The following KCNK5 variants were observed in gnomAD, a reference collection of about 807,000 sequenced individuals.
KCNK5 encodes the protein potassium two pore domain channel subfamily K member 5, also known as potassium channel subfamily K member 5.
KCNK5 carries 18 observed loss-of-function variants against 32.9 expected under a neutral mutation model. The observed-to-expected ratio is 0.55, with a 90% CI of 0.38 to 0.81. The LOEUF (loss-of-function observed/expected upper bound fraction) is 0.81. Among genes scored for constraint, KCNK5 ranks in the 30% least tolerant of loss-of-function variants. The pLI is 0.00. For synonymous variants in KCNK5, 276 were observed against 275.3 expected, an observed-to-expected ratio of 1.00 and a Z score of -0.03; for missense variants, 507 against 651.0, an observed-to-expected ratio of 0.78 and a Z score of 2.41.
At chr6:39,218,490 C>T (rs1771480963) in intron 1 of KCNK5, among the ~76,000 whole-genome samples, 1 of 152,150 alleles carries the variant, frequency 6.6e-6, no homozygotes, top group Non-Finnish European at 1.5e-5. Context: ...TGTTCTGCCC[C>T]CAGCTAATCC....
intron 1 of KCNK5, among the ~76,000 whole-genome samples, chr6:39,219,194 C>A (rs1439310620): frequency 1.3e-5 from 2 of 152,128 alleles, no homozygotes; most frequent in East Asian, 3.9e-4. Flanking sequence ...GTTGATGGAA[C>A]AAGGGATGGG....
chr6:39,194,251 C>A lies in KCNK5; in HGVS notation c.552G>T (p.Val184=), dbSNP rs1770988841. The change falls in exon 4 of 5, where the codon GTG becomes GTT. Residue 184 remains valine (V), a synonymous_variant. Coordinates refer to ENST00000359534, the MANE Select transcript of KCNK5 (RefSeq NM_003740.4). The surrounding 1 kb of genome is among the most constrained non-coding windows in gnomAD (Gnocchi z 4.7). ...HLVIPPFVFM[V]TEGWNYIEGL... is the part of the protein sequence containing the mutation. ...CCTCGATGTAGTTCCACCCCTCAGT[C>A]ACCATGAATACGAAGGGTGGGATCA... The A allele has an allele frequency of 2.5e-6, 4 of 1,614,062 alleles. No homozygotes were observed. The South Asian group carries it at 4.4e-5, about 18-fold the overall frequency.
Position 39,211,779 on chromosome 6 carries a change from C to T in KCNK5, c.187-15792G>A, listed in dbSNP as rs912629611. On this transcript the variant is annotated intron_variant, in intron 1 of 4. Transcript: ENST00000359534. ...AGGAGTTCAAGACCAGCCTGACCAA[C>T]ATGGTGAAACCCCGTCTCTACTAAA... Among the ~76,000 whole-genome samples, 10 of 151,852 alleles carry T rather than the reference C, an allele frequency of 6.6e-5. No homozygotes were observed. The East Asian group carries it at 1.5e-3, about 24-fold the overall frequency.
At chr6:39,204,629 G>C (rs1319986265) in intron 1 of KCNK5, among the ~76,000 whole-genome samples, 2 of 152,232 alleles carry the variant, frequency 1.3e-5, no homozygotes, top group Non-Finnish European at 2.9e-5. Flanking sequence ...CTGCGAACCA[G>C]GATGCTGCAA....
intron 1 of KCNK5, among the ~76,000 whole-genome samples, chr6:39,199,279 G>T (rs1771086394): frequency 6.6e-6 from 1 of 152,214 alleles, no homozygotes; most frequent in African/African-American, 2.4e-5. Flanking sequence ...TCAAACAAAA[G>T]AACTGGCAAA....
rs1179622919 is a variant in KCNK5 at position 39,194,290 on chromosome 6, G to A, written c.513C>T (p.Val171=). The A allele has an allele frequency of 6.2e-7, 1 of 1,613,870 alleles. No individual in the cohort carries two copies. Among genetic ancestry groups the A allele is most frequent in the Admixed American group, 1.7e-5 (1 of 59,994 alleles). Residue 171 remains valine, a synonymous_variant, in exon 4 of 5, where the codon GTC becomes GTT. Transcript: ENST00000359534. The surrounding 1 kb of genome is among the most constrained non-coding windows in gnomAD (Gnocchi z 4.7). The part of the protein sequence containing the change: ...TCTVIFIVWG[V]LVHLVIPPFV... ...AGGGTGGGATCACCAGGTGGACTAGGACGCCCCACACGATGAAGATGACTG... is the reference window on the plus strand; with the variant it reads ...AGGGTGGGATCACCAGGTGGACTAGAACGCCCCACACGATGAAGATGACTG...
chr6:39,228,452 G>A (rs1052891712), intron 1 of KCNK5, among the ~76,000 whole-genome samples: 2 of 152,102 alleles, frequency 1.3e-5, no homozygotes, highest in Admixed American at 1.3e-4. Flanking sequence ...GGACCCTCCC[G>A]CCACTCTGCC....
chr6:39,196,100 G>A, intron 1 of KCNK5, 113 bp from the exon 2 acceptor site: 2 of 641,946 alleles, frequency 3.1e-6, no homozygotes, highest in Non-Finnish European at 5.2e-6. Flanking sequence ...ACAAGAAGAA[G>A]GTGGCAGTGT....
rs1464633355 is a variant in KCNK5 at position 39,191,241 on chromosome 6, G to A, written c.1149C>T (p.Asp383=). 2.5e-6 allele frequency: 4 copies of A among 1,614,164 alleles called. No homozygotes were observed. The highest frequency in any genetic ancestry group is 4.5e-5 in the East Asian group (2 of 44,866). Residue 383 remains aspartate, a synonymous_variant, in exon 5 of 5, where the codon GAC becomes GAT. Coordinates refer to ENST00000359534, the MANE Select transcript of KCNK5 (RefSeq NM_003740.4). This position sits in a 1 kb window ranked among gnomAD's most constrained non-coding sequence, Gnocchi z 5.8. ...TGAACACCTCGGGGGCAGGGGAGCT[G>A]TCTTCAGGGGCCCGTGCCACAGCCT... ...DEEAVARAPE[D]SSPAPEVFMN...
chr6:39,194,504 C>T lies in KCNK5; in HGVS notation c.465+90G>A. 6.7e-7 allele frequency: 1 copy of T among 1,501,584 alleles called. No individual in the cohort carries two copies. The highest frequency in any genetic ancestry group is 9.1e-7 in the Non-Finnish European group (1 of 1,099,708). 93.0% of individuals were successfully genotyped at this position (1,501,584 alleles called of 1,614,324 possible). ...TATCCTCTTGCCATCTGTCCTTACA[C>T]CCTTGGTCCAATTCCTAGAGGCCTC... On this transcript the variant is annotated intron_variant, in intron 3 of 4. Transcript: ENST00000359534. The surrounding 1 kb of genome is among the most constrained non-coding windows in gnomAD (Gnocchi z 4.7).
intron 1 of KCNK5, among the ~76,000 whole-genome samples, chr6:39,208,700 C>T (rs1771274265): frequency 6.6e-6 from 1 of 152,224 alleles, no homozygotes; most frequent in South Asian, 2.1e-4. Context: ...CATGATGACC[C>T]CCAGATCCTG....
At chr6:39,199,523 CG>C (rs1771093196) in intron 1 of KCNK5, among the ~76,000 whole-genome samples, 1 of 152,196 alleles carries the variant, frequency 6.6e-6, no homozygotes, top group African/African-American at 2.4e-5. Flanking sequence ...CCTAACTCCC[CG>C]GGGCTGCAAG....
At chr6:39,205,507 G>T (rs1397666567) in intron 1 of KCNK5, among the ~76,000 whole-genome samples, 2 of 152,158 alleles carry the variant, frequency 1.3e-5, no homozygotes, top group East Asian at 3.8e-4. Flanking sequence ...CCTGCCCAGG[G>T]TGGCTATGGC....
At chr6:39,226,760 G>A (rs1771678955) in intron 1 of KCNK5, among the ~76,000 whole-genome samples, 1 of 152,212 alleles carries the variant, frequency 6.6e-6, no homozygotes, top group South Asian at 2.1e-4. Context: ...ACTGATGTCA[G>A]CAAATGCTTC....
At chr6:39,220,106 C>T (rs1016618441) in intron 1 of KCNK5, among the ~76,000 whole-genome samples, 1 of 152,204 alleles carries the variant, frequency 6.6e-6, no homozygotes, top group African/African-American at 2.4e-5. Flanking sequence ...GTCCTCCCCA[C>T]CCAGTGTGGC....
chr6:39,197,852 C>T (rs1771055370), intron 1 of KCNK5, among the ~76,000 whole-genome samples: 1 of 152,206 alleles, frequency 6.6e-6, no homozygotes, highest in Admixed American at 6.5e-5. Flanking sequence ...TCACTGATCA[C>T]AGGTGAGGCT....
intron 1 of KCNK5, among the ~76,000 whole-genome samples, chr6:39,224,844 C>T (rs1189114386): frequency 6.6e-6 from 1 of 152,138 alleles, no homozygotes; most frequent in Non-Finnish European, 1.5e-5. Context: ...GGCCACTCTC[C>T]ATCTTCTGTT....
intron 1 of KCNK5, among the ~76,000 whole-genome samples, chr6:39,225,181 C>T (rs905343405): frequency 1.3e-5 from 2 of 152,114 alleles, no homozygotes; most frequent in African/African-American, 2.4e-5. Context: ...TCCAGCAGCT[C>T]GGAGTGTAGC....
At chr6:39,195,804 G>T (rs1160465465) in intron 2 of KCNK5, 72 bp downstream of exon 2, 7 of 1,052,944 alleles carry the variant, frequency 6.6e-6, no homozygotes, top group Non-Finnish European at 8.7e-6. Flanking sequence ...AGTGACCAGA[G>T]CTGGGTTTCT....
Sources: gnomAD v4.1 joint callset for allele counts (sites outside exome capture counted in the v4.1 genomes callset) on GRCh38, gnomAD v4.1.1 for gene constraint, Gnocchi (gnomAD v3.1) non-coding constraint, MANE v1.5 for transcripts, NCBI Gene and HGNC (gene_info 2026-07-23, HGNC 2026-07-21) for gene names.